Variants in INTS9 observed in about 807,000 individuals in gnomAD.
The protein encoded by INTS9 is protein related to CPSF subunits of 74 kDa.
Under a neutral mutation model 79.7 loss-of-function variants are expected in INTS9, and 55 were observed. The observed-to-expected ratio is 0.69, with a 90% confidence interval of 0.56 to 0.86. The LOEUF is 0.86. Ranked by LOEUF, INTS9 falls within the 40% of genes least tolerant of loss-of-function variation. The probability of loss-of-function intolerance (pLI) is 0.00; values close to 1 mark genes in which losing one functional copy is unlikely to be tolerated. For synonymous variants in INTS9, 319 were observed against 325.2 expected, an observed-to-expected ratio of 0.98 and a Z score of 0.20; for missense variants, 721 against 831.5, an observed-to-expected ratio of 0.87 and a Z score of 1.64.
Position 28,814,201 on chromosome 8 carries a change from A to G in INTS9, c.489-589T>C, listed in dbSNP as rs1453937627. Among the ~76,000 whole-genome samples the G allele has an allele frequency of 4.0e-5, 6 of 151,866 alleles. No homozygotes were observed. In the East Asian group the frequency reaches 1.2e-3, roughly 29 times the overall value. On this transcript the variant is annotated intron_variant, in intron 6 of 16. Coordinates refer to ENST00000521022, the MANE Select transcript of INTS9 (RefSeq NM_018250.4). ...TAACTTCCCTGACATTCACTGTACA[A>G]TACAGGTCCAAGTACTGGGGTGAAA... is the stretch of plus-strand genomic sequence containing the variant.
Position 28,773,664 on chromosome 8 carries a change from C to T in INTS9, c.1563+2095G>A, listed in dbSNP as rs190901043. 4.6e-3 allele frequency among the ~76,000 whole-genome samples: 677 copies of T among 147,726 alleles called. 9 individuals are homozygous for T. Among genetic ancestry groups the T allele is most frequent in the African/African-American group, 0.015 (607 of 39,992 alleles). Reference sequence around the variant, plus strand: ...CCTCCCGAGTAGCTGCGATTACAGGCGCCTGCCACCACGCCTGTGGCTAAT... The same window carrying T: ...CCTCCCGAGTAGCTGCGATTACAGGTGCCTGCCACCACGCCTGTGGCTAAT... On this transcript the variant is annotated intron_variant, in intron 14 of 16. Transcript: ENST00000521022.
At chr8:28,862,069 G>C (rs1261696102) in intron 1 of INTS9, 2 of 985,268 alleles carry the variant, frequency 2.0e-6, no homozygotes, top group Non-Finnish European at 2.4e-6. Flanking sequence ...CGGGAGCACA[G>C]AGTGGCTGCC....
intron 1 of INTS9, among the ~76,000 whole-genome samples, chr8:28,883,337 TC>T (rs1316951686): frequency 5.3e-5 from 8 of 152,266 alleles, no homozygotes; most frequent in Admixed American, 5.2e-4. Context: ...TGGTCCATCT[TC>T]CCACGTCTGC....
At chr8:28,797,354 T>C (rs573302491) in intron 8 of INTS9, among the ~76,000 whole-genome samples, 2 of 152,288 alleles carry the variant, frequency 1.3e-5, no homozygotes, top group Admixed American at 1.3e-4. Flanking sequence ...GAACCCTGGA[T>C]TGGGAACTAG....
At chr8:28,880,372 C>G (rs1339175544) in intron 1 of INTS9, among the ~76,000 whole-genome samples, 1 of 152,038 alleles carries the variant, frequency 6.6e-6, no homozygotes, top group Non-Finnish European at 1.5e-5. Flanking sequence ...GATTCTCCTG[C>G]CTCAGCCTGC....
At chr8:28,886,470 C>T (rs2131402694) in intron 1 of INTS9, among the ~76,000 whole-genome samples, 1 of 152,264 alleles carries the variant, frequency 6.6e-6, no homozygotes, top group Middle Eastern at 3.4e-3. Flanking sequence ...TGGTCTAGAA[C>T]TCCTGATCTC....
At chr8:28,889,302 T>C (rs1810431927) in intron 1 of INTS9, among the ~76,000 whole-genome samples, 1 of 152,154 alleles carries the variant, frequency 6.6e-6, no homozygotes, top group African/African-American at 2.4e-5. Context: ...TAGAATGGAA[T>C]ACCATATAAC....
At chr8:28,791,000 C>T (rs946669372) in intron 10 of INTS9, among the ~76,000 whole-genome samples, 4 of 152,222 alleles carry the variant, frequency 2.6e-5, no homozygotes, top group Non-Finnish European at 5.9e-5. Flanking sequence ...GGGGTCAACA[C>T]GATCTACTAC....
At chr8:28,805,414 C>G (rs973545276) in intron 8 of INTS9, among the ~76,000 whole-genome samples, 1 of 152,184 alleles carries the variant, frequency 6.6e-6, no homozygotes, top group African/African-American at 2.4e-5. Flanking sequence ...CTTCAAGACC[C>G]TCTAGATTCC....
chr8:28,847,976 G>A (rs1159302050), intron 3 of INTS9, among the ~76,000 whole-genome samples: 1 of 152,206 alleles, frequency 6.6e-6, no homozygotes. Flanking sequence ...CTCAGGCAAA[G>A]CCATACAGAT....
chr8:28,869,786 T>C (rs1268835468), intron 1 of INTS9, among the ~76,000 whole-genome samples: 1 of 152,222 alleles, frequency 6.6e-6, no homozygotes, highest in African/African-American at 2.4e-5. Flanking sequence ...AATTTTCCAC[T>C]TGTGCAGAAA....
chr8:28,805,025 C>T (rs1025725455), intron 8 of INTS9, among the ~76,000 whole-genome samples: 1 of 151,938 alleles, frequency 6.6e-6, no homozygotes, highest in African/African-American at 2.4e-5. Context: ...CTAGAAATTC[C>T]TTAAAAGGAA....
chr8:28,797,646 A>C (rs1403846883), intron 8 of INTS9, among the ~76,000 whole-genome samples: 1 of 152,238 alleles, frequency 6.6e-6, no homozygotes, highest in African/African-American at 2.4e-5. Flanking sequence ...CTTTCTAAAT[A>C]AATTAGGATT....
intron 1 of INTS9, among the ~76,000 whole-genome samples, chr8:28,876,906 G>A (rs1483120611): frequency 6.6e-6 from 1 of 151,912 alleles, no homozygotes; most frequent in Non-Finnish European, 1.5e-5. Context: ...AGCTATATTA[G>A]CAAAAGGTTT....
At chr8:28,837,974 A>C (rs1394114685) in intron 4 of INTS9, among the ~76,000 whole-genome samples, 198 bp from the exon 5 acceptor site, 1 of 152,168 alleles carries the variant, frequency 6.6e-6, no homozygotes, top group East Asian at 1.9e-4. Flanking sequence ...GACGGCCAGC[A>C]GTGAGAACAC....
At chr8:28,835,464 C>G in intron 5 of INTS9, 86 bp from the exon 6 acceptor site, 1 of 753,804 alleles carries the variant, frequency 1.3e-6, no homozygotes, top group Non-Finnish European at 2.2e-6. Flanking sequence ...GGAGAAATGA[C>G]TTGCCCACCT....
Position 28,796,616 on chromosome 8 carries a change from C to T in INTS9, c.784G>A (p.Val262Ile), listed in dbSNP as rs1804229314. Residue 262 changes from valine (V) to isoleucine (I), a missense_variant, in exon 9 of 17, where the codon GTT (valine) becomes ATT (isoleucine). Around this residue, in one of 3 missense-constraint regions of INTS9, gnomAD observed 149 missense variants for 223.7 expected, o/e 0.67. Coordinates refer to ENST00000521022, the MANE Select transcript of INTS9 (RefSeq NM_018250.4). ...QASLKNSDVL[V>I]LTGLTQIPTA... ...GGGATCTGGGTAAGCCCTGTCAGAA[C>T]AAGAACATCGCTGTTTTTGAGAGAA... 6.2e-7 allele frequency: 1 copy of T among 1,613,926 alleles called. No homozygotes were observed.
chr8:28,814,284 TCACACACACACACACA>T (rs60850682), intron 6 of INTS9, among the ~76,000 whole-genome samples: 163 of 134,340 alleles, frequency 1.2e-3, no homozygotes, highest in Admixed American at 2.9e-3. Flanking sequence ...ACAGGGCTTC[TCACACACACACACACA>T]CACACACACA....
intron 11 of INTS9, among the ~76,000 whole-genome samples, chr8:28,786,934 G>T (rs1025185128): frequency 6.6e-6 from 1 of 151,902 alleles, no homozygotes; most frequent in African/African-American, 2.4e-5. Flanking sequence ...AGCCAGGATG[G>T]TCTCGATCTC....
Sources: gnomAD v4.1 joint callset for allele counts (sites outside exome capture counted in the v4.1 genomes callset) on GRCh38, gnomAD v4.1.1 for gene constraint, gnomAD v4.1.1 regional missense constraint, MANE v1.5 for transcripts, NCBI Gene and HGNC (gene_info 2026-07-23, HGNC 2026-07-21) for gene names.